RSRC1: variants seen among roughly 807,000 people sequenced by gnomAD.
RSRC1 encodes the protein serine/Arginine-related protein 53.
Under a neutral mutation model 49.1 loss-of-function variants are expected in RSRC1, and 39 were observed. The ratio of observed to expected loss-of-function variants is 0.79; its 90% confidence interval spans 0.61 to 1.04. RSRC1 has a LOEUF of 1.04. RSRC1 is among the 50% of genes least tolerant of loss of function. The pLI is 0.00. For missense variants in RSRC1, 388 were observed against 402.4 expected, an observed-to-expected ratio of 0.96 and a Z score of 0.31; for synonymous variants, 143 against 130.8, an observed-to-expected ratio of 1.09 and a Z score of -0.63.
intron 4 of RSRC1, among the ~76,000 whole-genome samples, chr3:158,282,898 G>A (rs1726263300): frequency 6.6e-6 from 1 of 152,106 alleles, no homozygotes; most frequent in Non-Finnish European, 1.5e-5. Flanking sequence ...TTGATGTTAG[G>A]GAGAAGGTAT....
Position 158,539,886 on chromosome 3 carries a change from T to C in RSRC1, c.759+2688T>C, listed in dbSNP as rs1288091246. Among the ~76,000 whole-genome samples, 4 of 152,218 alleles carry C rather than the reference T, an allele frequency of 2.6e-5. 1 individual carries two copies. The highest frequency in any genetic ancestry group is 9.6e-5 in the African/African-American group (4 of 41,460). ...AAAAACAAGATGAGATTGCTTGGTT[T>C]ATATGGTAGAATCTTATCTCTGCTA... On this transcript the variant is annotated intron_variant, in intron 8 of 9. Coordinates refer to ENST00000611884, the MANE Select transcript of RSRC1 (RefSeq NM_001271838.2). The surrounding 1 kb of genome is among the most constrained non-coding windows in gnomAD (Gnocchi z 4.1).
chr3:158,445,610 A>C (rs549712388), intron 6 of RSRC1, among the ~76,000 whole-genome samples: 9 of 152,074 alleles, frequency 5.9e-5, no homozygotes, highest in Admixed American at 2.0e-4. Flanking sequence ...ATATGTAACA[A>C]ACCTGCATGT....
At chr3:158,263,254 A>G (rs1245595171) in intron 4 of RSRC1, among the ~76,000 whole-genome samples, 1 of 152,040 alleles carries the variant, frequency 6.6e-6, no homozygotes, top group Non-Finnish European at 1.5e-5. Context: ...TATTTTGTCA[A>G]ATGCTTTCTC....
At chr3:158,339,946 A>G (rs1323147792) in intron 5 of RSRC1, among the ~76,000 whole-genome samples, 4 of 152,218 alleles carry the variant, frequency 2.6e-5, no homozygotes, top group African/African-American at 4.8e-5. Context: ...AGATTTTCTG[A>G]AAGTGATGTT....
At chr3:158,319,320 G>A (rs996383186) in intron 5 of RSRC1, among the ~76,000 whole-genome samples, 5 of 152,136 alleles carry the variant, frequency 3.3e-5, no homozygotes, top group Admixed American at 6.5e-5. Context: ...CTGCCACCAC[G>A]TAAGATGTGC....
intron 7 of RSRC1, among the ~76,000 whole-genome samples, chr3:158,513,512 G>C (rs1740307364): frequency 1.3e-5 from 2 of 152,258 alleles, no homozygotes; most frequent in South Asian, 2.1e-4. Context: ...GCTGGATTCA[G>C]TTTGCCAGTA....
In RSRC1 at chr3:158,460,974, A is replaced by G; in HGVS notation, c.623A>G (p.Glu208Gly). 1 of 1,599,736 alleles carries G rather than the reference A, an allele frequency of 6.3e-7. No individual in the cohort carries two copies. Among genetic ancestry groups the G allele is most frequent in the East Asian group, 2.3e-5 (1 of 44,096 alleles). ...GCATTGAAAGCCAAAGAAAGAAATG[A>G]GGAAGAAGCAAAGAGAAGAAAGGAG... ...DEALKAKERN[E>G]EEAKRRKEED... Residue 208 changes from glutamate to glycine, a missense_variant, in exon 7 of 10, where the codon GAG becomes GGG. Physicochemically the swap from Glu to Gly is moderately conservative, Grantham distance 98. Transcript: ENST00000611884.
At chr3:158,442,863 T>C (rs1008426945) in intron 6 of RSRC1, among the ~76,000 whole-genome samples, 9 of 152,154 alleles carry the variant, frequency 5.9e-5, no homozygotes, top group Non-Finnish European at 1.3e-4. Flanking sequence ...ATCTGTGGGC[T>C]GCAAAATGAA....
intron 4 of RSRC1, among the ~76,000 whole-genome samples, chr3:158,291,863 C>G (rs1726954213): frequency 6.6e-6 from 1 of 152,078 alleles, no homozygotes; most frequent in African/African-American, 2.4e-5. Context: ...TCTAAAAAAT[C>G]TTAGTGTTTT....
intron 5 of RSRC1, among the ~76,000 whole-genome samples, chr3:158,344,305 C>A (rs772773222): frequency 6.6e-6 from 1 of 152,014 alleles, no homozygotes; most frequent in Non-Finnish European, 1.5e-5. Flanking sequence ...CAAGTCACAT[C>A]ATAATCAAAA....
chr3:158,236,154 T>C (rs1354290072), intron 4 of RSRC1, among the ~76,000 whole-genome samples: 3 of 151,950 alleles, frequency 2.0e-5, no homozygotes, highest in African/African-American at 7.2e-5. Context: ...AACCCAGAGT[T>C]ATCTGTGATG....
intron 4 of RSRC1, among the ~76,000 whole-genome samples, chr3:158,249,408 A>G (rs1432306255): frequency 6.6e-6 from 1 of 152,176 alleles, no homozygotes; most frequent in Non-Finnish European, 1.5e-5. Flanking sequence ...CACTCTGCAT[A>G]AGTGTTCTGA....
At chr3:158,162,916 A>G (rs948713453) in intron 3 of RSRC1, among the ~76,000 whole-genome samples, 4 of 152,220 alleles carry the variant, frequency 2.6e-5, no homozygotes, top group Non-Finnish European at 5.9e-5. Context: ...TAACTCTTCC[A>G]GGTAAAAAGG....
At chr3:158,144,530 A>G (rs186882650) in intron 3 of RSRC1, among the ~76,000 whole-genome samples, 3 of 152,262 alleles carry the variant, frequency 2.0e-5, no homozygotes, top group Admixed American at 6.5e-5. Flanking sequence ...AATCCAGTCT[A>G]TCACTGATGG....
chr3:158,309,289 A>G (rs780140960), intron 5 of RSRC1, among the ~76,000 whole-genome samples: 3 of 151,824 alleles, frequency 2.0e-5, no homozygotes, highest in African/African-American at 7.2e-5. Context: ...TGTTTTGTGC[A>G]TATTGTGAAA....
intron 4 of RSRC1, among the ~76,000 whole-genome samples, chr3:158,280,993 G>A (rs1348411260): frequency 2.0e-5 from 3 of 152,170 alleles, no homozygotes; most frequent in Non-Finnish European, 4.4e-5. Flanking sequence ...TTTGCAACAG[G>A]TGGATGAGAG....
chr3:158,255,812 G>A (rs148660761), intron 4 of RSRC1, among the ~76,000 whole-genome samples: 154 of 152,228 alleles, frequency 1.0e-3, no homozygotes, highest in African/African-American at 3.5e-3. Context: ...TACTCTCTTT[G>A]TAGCAATTGT....
At chr3:158,504,945 T>A (rs1739784309) in intron 7 of RSRC1, among the ~76,000 whole-genome samples, 1 of 152,236 alleles carries the variant, frequency 6.6e-6, no homozygotes, top group Admixed American at 6.5e-5. Context: ...TTCAAATTTT[T>A]ATTAACTTGG....
intron 7 of RSRC1, among the ~76,000 whole-genome samples, chr3:158,483,142 T>G (rs887791206): frequency 2.6e-5 from 4 of 152,038 alleles, no homozygotes; most frequent in Admixed American, 2.6e-4. Context: ...AAGAAAAAGC[T>G]CATCCTCCTT....
Sources: gnomAD v4.1 joint callset for allele counts (sites outside exome capture counted in the v4.1 genomes callset) on GRCh38, gnomAD v4.1.1 for gene constraint, Gnocchi (gnomAD v3.1) non-coding constraint, MANE v1.5 for transcripts, NCBI Gene and HGNC (gene_info 2026-07-23, HGNC 2026-07-21) for gene names.